FLG: variants seen among roughly 807,000 people sequenced by gnomAD.
FLG encodes the protein epidermal filaggrin.
FLG carries 6 observed loss-of-function variants against 3.8 expected under a neutral mutation model. The observed-to-expected ratio is 1.60, with a 90% CI of 0.87 to 3.15. FLG has a LOEUF of 3.15. FLG is among the 30% of genes most tolerant of loss of function. The pLI, the probability that FLG is intolerant of heterozygous loss-of-function variation, is 0.00. For synonymous variants in FLG, 2,551 were observed against 1,931.6 expected, an observed-to-expected ratio of 1.32 and a Z score of -8.41; for missense variants, 7,595 against 5,050.9, an observed-to-expected ratio of 1.50 and a Z score of -15.27.
In FLG at chr1:152,308,487, CT is replaced by C. The variant is rs1557875480; in HGVS notation, c.6398del (p.Glu2133GlyfsTer26). ...QDSSRHSASQ[E>X]GQDTIRGHPG... ...GGTGTCCACGAATGGTGTCCTGACC[CT>C]CTTGGGATGCTGAGTGCCTGGAGCT... On this transcript the variant is annotated frameshift_variant, in exon 3 of 3. Transcript: ENST00000368799. LOFTEE classifies it low-confidence loss of function (END_TRUNC). The C allele has an allele frequency of 6.2e-7, 1 of 1,613,664 alleles. No homozygotes were observed. The highest frequency in any genetic ancestry group is 1.1e-5 in the South Asian group (1 of 91,026).
Position 152,303,681 on chromosome 1 carries a change from T to G in FLG, c.11205A>C (p.Gln3735His). The change falls in exon 3 of 3, where the codon CAA becomes CAC. Residue 3735 changes from glutamine to histidine, a missense_variant. By Grantham distance (24) the Gln-to-His change is conservative. Coordinates refer to ENST00000368799, the MANE Select transcript of FLG (RefSeq NM_002016.2). ...GRAGPSTGGRQGSRHEQARDS... is the reference protein window; with the variant it reads ...GRAGPSTGGRHGSRHEQARDS... ...CTCGTGCCTGCTCGTGGCGGGATCCTTGTCTTCCTCCAGTACTGGGCCCAG... is the reference window on the plus strand; with the variant it reads ...CTCGTGCCTGCTCGTGGCGGGATCCGTGTCTTCCTCCAGTACTGGGCCCAG... 1 of 1,613,962 alleles carries G rather than the reference T, an allele frequency of 6.2e-7. No homozygotes were observed. The highest frequency in any genetic ancestry group is 2.2e-5 in the East Asian group (1 of 44,840).
intron 1 of FLG, among the ~76,000 whole-genome samples, chr1:152,322,090 T>TG (rs1557885523): frequency 2.0e-5 from 3 of 151,232 alleles, no homozygotes; most frequent in African/African-American, 7.2e-5. Context: ...ATATTAATTC[T>TG]GATTAATAAA....
chr1:152,310,901 A>G lies in FLG; in HGVS notation c.3985T>C (p.Ser1329Pro), dbSNP rs1570908410. The change falls in exon 3 of 3, where the codon TCA becomes CCA. Residue 1329 changes from serine to proline, a missense_variant. Coordinates refer to ENST00000368799, the MANE Select transcript of FLG (RefSeq NM_002016.2). The stretch of plus-strand genomic sequence containing the variant: ...GAAGACTCTGTGTGATGAGTGCCTG[A>G]TTGTCTGGAGCTGTCTGCAGAGTGC... ...HGHSADSSRQSGTHHTESSSH... is the reference protein window; with the variant it reads ...HGHSADSSRQPGTHHTESSSH... 1.2e-6 allele frequency: 2 copies of G among 1,613,876 alleles called. No individual in the cohort carries two copies. Among genetic ancestry groups the G allele is most frequent in the Non-Finnish European group, 1.7e-6 (2 of 1,179,970 alleles).
In FLG at chr1:152,304,322, C is replaced by A. The variant is rs114892044; in HGVS notation, c.10564G>T (p.Gly3522Cys). ...CTGGGCCCCGCTGATTGTCCCTGGC[C>A]GGACTGTGAGTGTCTAGAGCTGTCC... ...QADSSRHSQS[G>C]QGQSAGPRTS... Residue 3522 changes from glycine (G) to cysteine (C), a missense_variant, in exon 3 of 3, where the codon GGC becomes TGC. Transcript: ENST00000368799. The A allele has an allele frequency of 1.9e-6, 3 of 1,610,776 alleles. No individual in the cohort carries two copies. In the African/African-American group the frequency reaches 4.0e-5, roughly 22 times the overall value.
Position 152,310,785 on chromosome 1 carries a change from G to T in FLG, c.4101C>A (p.Ser1367Arg). 6.2e-7 allele frequency: 1 copy of T among 1,611,998 alleles called. No individual in the cohort carries two copies. Among genetic ancestry groups the T allele is most frequent in the Non-Finnish European group, 8.5e-7 (1 of 1,179,170 alleles). The change falls in exon 3 of 3, where the codon AGC becomes AGA. Residue 1367 changes from serine (S) to arginine (R), a missense_variant. Coordinates refer to ENST00000368799, the MANE Select transcript of FLG (RefSeq NM_002016.2). ...HGSRHQQSAD[S>R]SRHSGIGHRQ... ...TGTGCCCAATGCCTGAGTGTCTGGA[G>T]CTGTCTGCTGACTGCTGGTGGCGGG...
rs765468922 is a variant in FLG, at chr1:152,313,716, C to A, written c.1170G>T (p.Gln390His). 1.2e-6 allele frequency: 2 copies of A among 1,613,932 alleles called. No homozygotes were observed. The highest frequency in any genetic ancestry group is 3.3e-5 in the Admixed American group (2 of 60,002). Residue 390 changes from glutamine (Q) to histidine (H), a missense_variant, in exon 3 of 3, where the codon CAG becomes CAT. Transcript: ENST00000368799. The stretch of plus-strand genomic sequence containing the variant: ...CTGAGTGTCTGGAGCTGTCTGCTGA[C>A]TGCTGGTGGCCGGATCCATGTCTTT... ...PGERHGSGHQ[Q>H]SADSSRHSAT...
rs572805958 is a variant in FLG at position 152,309,327 on chromosome 1, A to C, written c.5559T>G (p.Asp1853Glu). 1 of 1,613,808 alleles carries C rather than the reference A, an allele frequency of 6.2e-7. No individual in the cohort carries two copies. Among genetic ancestry groups the C allele is most frequent in the Non-Finnish European group, 8.5e-7 (1 of 1,179,960 alleles). The change falls in exon 3 of 3, where the codon GAT becomes GAG. Residue 1853 changes from aspartate (D) to glutamate (E), a missense_variant. Physicochemically the swap from Asp to Glu is conservative, Grantham distance 45. Coordinates refer to ENST00000368799, the MANE Select transcript of FLG (RefSeq NM_002016.2). Reference sequence around the variant, plus strand: ...TGGATCCTGACTGCCCACGGGAGACATCAGACCTTTCCTGGGACGTGGTGT... The same window carrying C: ...TGGATCCTGACTGCCCACGGGAGACCTCAGACCTTTCCTGGGACGTGGTGT... ...HSHTTSQERSDVSRGQSGSRS... is the reference protein window; with the variant it reads ...HSHTTSQERSEVSRGQSGSRS...
In FLG at chr1:152,311,196, G is replaced by A. The variant is rs936292803; in HGVS notation, c.3690C>T (p.Ser1230=). Residue 1230 remains serine (S), a synonymous_variant, in exon 3 of 3, where the codon TCC becomes TCT. Transcript: ENST00000368799. ...CATGGTGACGTGACCCTGAGTGCCTGGAGCCGTCTCCTGATTGTTTGTCCT... is the reference window on the plus strand; with the variant it reads ...CATGGTGACGTGACCCTGAGTGCCTAGAGCCGTCTCCTGATTGTTTGTCCT... ...TRKDKQSGDG[S]RHSGSRHHEA... The A allele has an allele frequency of 1.2e-6, 2 of 1,613,682 alleles. No individual in the cohort carries two copies. The highest frequency in any genetic ancestry group is 2.7e-5 in the African/African-American group (2 of 74,812).
rs768798711 is a variant in FLG at position 152,312,269 on chromosome 1, G to T, written c.2617C>A (p.His873Asn). 2 of 1,613,800 alleles carry T rather than the reference G, an allele frequency of 1.2e-6. No individual in the cohort carries two copies. Among genetic ancestry groups the T allele is most frequent in the Admixed American group, 3.3e-5 (2 of 59,992 alleles). The change falls in exon 3 of 3, where the codon CAC becomes AAC. Residue 873 changes from histidine (H) to asparagine (N), a missense_variant. His to Asn is a moderately conservative substitution (Grantham distance 68, BLOSUM62 1). Transcript: ENST00000368799. ...RSGHSGSHHS[H>N]TTSQGRSDAS... The stretch of plus-strand genomic sequence containing the variant: ...TCAGACCTTCCCTGGGATGTGGTGT[G>T]GCTGTGATGGGACCCTGAGTGTCCA...
chr1:152,309,859 C>A lies in FLG; in HGVS notation c.5027G>T (p.Ser1676Ile). The change falls in exon 3 of 3, where the codon AGT becomes ATT. Residue 1676 changes from serine (S) to isoleucine (I), a missense_variant. By Grantham distance (142) the Ser-to-Ile change is moderately radical (BLOSUM62 -2). Transcript: ENST00000368799. ...AASSQEQARS[S>I]PGERHGSRHQ... is the part of the protein sequence containing the mutation. ...GCGGGATCCATGTCTTTCTCCTGGA[C>A]TTGACCTTGCCTGTTCCTGGGATGA... 6.2e-7 allele frequency: 1 copy of A among 1,614,122 alleles called. No individual in the cohort carries two copies. Among genetic ancestry groups the A allele is most frequent in the Non-Finnish European group, 8.5e-7 (1 of 1,180,024 alleles).
rs1338711675 is a variant in FLG at position 152,311,156 on chromosome 1, C to A, written c.3730G>T (p.Ala1244Ser). ...ACCTGTGAGTGTCTAGAGCTGTCAG[C>A]CCAAGAGGCAGCTTCATGGTGACGT... is the stretch of plus-strand genomic sequence containing the variant. ...GSRHHEAASW[A>S]DSSRHSQVGQ... Residue 1244 changes from alanine to serine, a missense_variant, in exon 3 of 3, where the codon GCT (alanine) becomes TCT (serine). Coordinates refer to ENST00000368799, the MANE Select transcript of FLG (RefSeq NM_002016.2). 4 of 1,613,848 alleles carry A rather than the reference C, an allele frequency of 2.5e-6. No individual in the cohort carries two copies. Among genetic ancestry groups the A allele is most frequent in the Non-Finnish European group, 3.4e-6 (4 of 1,179,978 alleles).
rs767516938 is a variant in FLG at position 152,308,824 on chromosome 1, C to G, written c.6062G>C (p.Gly2021Ala). The change falls in exon 3 of 3, where the codon GGC (glycine) becomes GCC (alanine). Residue 2021 changes from glycine (G) to alanine (A), a missense_variant. Transcript: ENST00000368799. Reference protein sequence around the residue: ...LQSADSSRHSGIGHGQASSAV... With the variant: ...LQSADSSRHSAIGHGQASSAV... ...AGATGAAGCTTGTCCATGCCCAATG[C>G]CTGAGTGTCTGGAGCTGTCTGCTGA... 8.1e-6 allele frequency: 13 copies of G among 1,614,000 alleles called. No individual in the cohort carries two copies. Among genetic ancestry groups the G allele is most frequent in the Non-Finnish European group, 1.1e-5 (13 of 1,180,000 alleles).
chr1:152,307,278 T>C lies in FLG; in HGVS notation c.7608A>G (p.Glu2536=). The C allele has an allele frequency of 6.2e-7, 1 of 1,613,240 alleles. No homozygotes were observed. The highest frequency in any genetic ancestry group is 8.5e-7 in the Non-Finnish European group (1 of 1,179,938). Residue 2536 remains glutamate, a synonymous_variant, in exon 3 of 3, where the codon GAA becomes GAG. Coordinates refer to ENST00000368799, the MANE Select transcript of FLG (RefSeq NM_002016.2). ...GSRHSGSRHH[E]ASSRADSSGH... ...CAGAGCTGTCGGCCCGAGAGGAAGC[T>C]TCATGGTGACGCGACCCTGAGTGCC...
intron 1 of FLG, among the ~76,000 whole-genome samples, chr1:152,321,643 T>G (rs1208350483): frequency 6.6e-6 from 1 of 151,210 alleles, no homozygotes; most frequent in Non-Finnish European, 1.5e-5. Flanking sequence ...AATAGTACTA[T>G]GTTTATTAAA....
At position 152,311,241 on chromosome 1, in the gene FLG, A is replaced by C; in HGVS notation, c.3645T>G (p.Ser1215Arg). 4 of 1,613,394 alleles carry C rather than the reference A, an allele frequency of 2.5e-6. No individual in the cohort carries two copies. Among genetic ancestry groups the C allele is most frequent in the Non-Finnish European group, 3.4e-6 (4 of 1,179,866 alleles). The part of the protein sequence containing the change: ...DASHGQSGSR[S>R]ASRQTRKDKQ... The stretch of plus-strand genomic sequence containing the variant: ...TGTCCTTACGAGTTTGTCTGCTTGC[A>C]CTTCTGGATCCTGACTGCCCATGGG... The change falls in exon 3 of 3, where the codon AGT (serine) becomes AGG (arginine). Residue 1215 changes from serine (S) to arginine (R), a missense_variant. By Grantham distance (110) the Ser-to-Arg change is moderately radical. Transcript: ENST00000368799.
rs1348607983 is a variant in FLG, at chr1:152,303,626, C to T, written c.11260G>A (p.Gly3754Ser). 1.2e-6 allele frequency: 2 copies of T among 1,613,658 alleles called. No individual in the cohort carries two copies. Among genetic ancestry groups the T allele is most frequent in the Non-Finnish European group, 8.5e-7 (1 of 1,179,880 alleles). ...DSSRHSASQEGQDTIRGHPGS... is the reference protein window; with the variant it reads ...DSSRHSASQESQDTIRGHPGS... ...GGGTGTCCACGAATGGTGTCCTGAC[C>T]CTCTTGGGACGCTGAGTGCCTGGAG... Residue 3754 changes from glycine to serine, a missense_variant, in exon 3 of 3, where the codon GGT becomes AGT. By Grantham distance (56) the Gly-to-Ser change is moderately conservative (BLOSUM62 0). Transcript: ENST00000368799.
In FLG at chr1:152,303,988, G is replaced by T; in HGVS notation, c.10898C>A (p.Ser3633Ter). 6.2e-7 allele frequency: 1 copy of T among 1,613,996 alleles called. No individual in the cohort carries two copies. Among genetic ancestry groups the T allele is most frequent in the Non-Finnish European group, 8.5e-7 (1 of 1,180,020 alleles). The change falls in exon 3 of 3, where the codon TCA becomes TAA. Residue 3633 changes from serine to a stop codon, truncating the protein, a stop_gained. Transcript: ENST00000368799. LOFTEE classifies it low-confidence loss of function (END_TRUNC). ...GCCTGAGTGTCTGGAGCTGTCTGCT[G>T]ACTGCTGGTGGTGGGATCCATGTCT... ...GERHGSHHQQ[S>*]ADSSRHSGIG...
Position 152,314,727 on chromosome 1 carries a change from C to A in FLG, c.159G>T (p.Met53Ile). 1.9e-6 allele frequency: 3 copies of A among 1,613,792 alleles called. No homozygotes were observed. Among genetic ancestry groups the A allele is most frequent in the Non-Finnish European group, 2.5e-6 (3 of 1,179,724 alleles). The change falls in exon 3 of 3, where the codon ATG becomes ATT. Residue 53 changes from methionine to isoleucine, a missense_variant. By Grantham distance (10) the Met-to-Ile change is conservative. Transcript: ENST00000368799. Reference sequence around the variant, plus strand: ...CCAAGTGATCCATGAAGACATCAACCATATCTGGGTCATCTGGATTCTGTA... The same window carrying A: ...CCAAGTGATCCATGAAGACATCAACAATATCTGGGTCATCTGGATTCTGTA... ...QILKNPDDPD[M>I]VDVFMDHLDI...
intron 1 of FLG, among the ~76,000 whole-genome samples, chr1:152,322,459 T>C (rs1653011942): frequency 6.6e-6 from 1 of 151,068 alleles, no homozygotes; most frequent in Non-Finnish European, 1.5e-5. Context: ...TATTTCTATA[T>C]AACAGCAATA....
Sources: allele counts gnomAD v4.1 joint callset (sites outside exome capture counted in the v4.1 genomes callset), GRCh38; gene constraint gnomAD v4.1.1; transcripts MANE v1.5; gene names NCBI Gene and HGNC (gene_info 2026-07-23, HGNC 2026-07-21).